Variants in CISD3 observed in about 807,000 individuals in gnomAD.
CISD3 encodes CDGSH iron-sulfur domain-containing protein 3, mitochondrial.
CISD3 carries 11 observed loss-of-function variants against 14.1 expected under a neutral mutation model. That is an observed-to-expected ratio of 0.78 (90% confidence interval 0.49 to 1.29). The LOEUF (loss-of-function observed/expected upper bound fraction) is 1.29. CISD3 is among the 50% of genes most tolerant of loss of function. The pLI is 0.00. For synonymous variants in CISD3, 53 were observed against 69.2 expected (o/e 0.77, Z 1.16); for missense variants, 156 against 171.6 (o/e 0.91, Z 0.51).
In CISD3 at chr17:38,735,311, C is replaced by G; in HGVS notation, c.*1856C>G. 1 of 1,530,918 alleles carries G rather than the reference C, an allele frequency of 6.5e-7. No homozygotes were observed. Among genetic ancestry groups the G allele is most frequent in the Non-Finnish European group, 8.8e-7 (1 of 1,132,298 alleles). 94.8% of individuals were successfully genotyped at this position (1,530,918 alleles called of 1,614,324 possible). ...TGGTGTCTGCAGGCAGTTCAAGCTA[C>G]CCCCGTTGGCAGCTGTGGTGGCCCC... On this transcript the variant is annotated 3_prime_UTR_variant, in exon 4 of 4. Transcript: ENST00000613478.
At chr17:38,731,766 G>C (rs558011985) in intron 3 of CISD3, 2 of 288,136 alleles carry the variant, frequency 6.9e-6, no homozygotes, top group African/African-American at 4.2e-5. Flanking sequence ...TCCAGGAAGC[G>C]CCTGGGCCAC....
intron 2 of CISD3, 148 bp from the exon 3 acceptor site, chr17:38,731,172 A>G: frequency 1.9e-6 from 2 of 1,061,818 alleles, no homozygotes; most frequent in Non-Finnish European, 2.7e-6. Flanking sequence ...GTCCTGGGGA[A>G]CGGTCTTGTT....
Position 38,734,234 on chromosome 17 carries a change from A to T in CISD3, c.*779A>T, listed in dbSNP as rs1042820407. On this transcript the variant is annotated 3_prime_UTR_variant, in exon 4 of 4. Transcript: ENST00000613478. The stretch of plus-strand genomic sequence containing the variant: ...TTTTAGATGCAGTTGCTCTGTCCTG[A>T]CCAGGTGACCGGGCCTCAGCTGGGG... The T allele has an allele frequency of 6.6e-6, 1 of 152,482 alleles. No homozygotes were observed. Among genetic ancestry groups the T allele is most frequent in the African/African-American group, 2.4e-5 (1 of 41,322 alleles). 9.4% of individuals were successfully genotyped at this position (152,482 alleles called of 1,614,324 possible).
At chr17:38,732,932 CTCAGAG>C (rs1159618108) in intron 3 of CISD3, among the ~76,000 whole-genome samples, 1 of 114,010 alleles carries the variant, frequency 8.8e-6, no homozygotes, top group African/African-American at 3.7e-5. Context: ...CCAGTGGAGA[CTCAGAG>C]ACACACACAC....
At chr17:38,733,176 C>A in intron 3 of CISD3, 100 bp from the exon 4 acceptor site, 1 of 1,156,166 alleles carries the variant, frequency 8.6e-7, no homozygotes, top group East Asian at 2.6e-5. Flanking sequence ...GAGCCTGTAC[C>A]CTAACCACTG....
At chr17:38,730,476 G>C (rs991975423) in intron 1 of CISD3, 70 bp downstream of exon 1, 63 of 1,155,486 alleles carry the variant, frequency 5.5e-5, no homozygotes, top group Non-Finnish European at 7.2e-5. Context: ...CCCCACTCCA[G>C]CCCCGGCCCG....
In CISD3 at chr17:38,733,586, A is replaced by G; in HGVS notation, c.*131A>G. The G allele has an allele frequency of 1.0e-6, 1 of 953,026 alleles. No homozygotes were observed. The highest frequency in any genetic ancestry group is 1.5e-6 in the Non-Finnish European group (1 of 666,402). 59.0% of individuals were successfully genotyped at this position (953,026 alleles called of 1,614,324 possible). On this transcript the variant is annotated 3_prime_UTR_variant, in exon 4 of 4. Transcript: ENST00000613478. ...CCCACTGCTGGCTCATGAAGGAAGA[A>G]TTATTCCTTATAACCTAAAAGTCTC...
intron 3 of CISD3, among the ~76,000 whole-genome samples, chr17:38,732,938 G>GAC (rs148830489): frequency 0.11 from 12,320 of 116,508 alleles, 711 homozygotes; most frequent in Middle Eastern, 0.19. Flanking sequence ...GAGACTCAGA[G>GAC]ACACACACAC....
In CISD3 at chr17:38,735,554, C is replaced by T. The variant is rs535420083; in HGVS notation, c.*2099C>T. 7.6e-6 allele frequency: 12 copies of T among 1,584,578 alleles called. No homozygotes were observed. Among genetic ancestry groups the T allele is most frequent in the South Asian group, 2.3e-5 (2 of 87,112 alleles). On this transcript the variant is annotated 3_prime_UTR_variant, in exon 4 of 4. Coordinates refer to ENST00000613478, the MANE Select transcript of CISD3 (RefSeq NM_001136498.2). ...GGTGGGCACCGTGGCTAGGGTGAGC[C>T]GCTTGCAGGCTGGCTGGACACGGTA...
intron 3 of CISD3, among the ~76,000 whole-genome samples, chr17:38,732,941 A>ACACG (rs1906400764): frequency 9.6e-6 from 1 of 104,568 alleles, no homozygotes; most frequent in African/African-American, 3.1e-5. Context: ...ACTCAGAGAC[A>ACACG]CACACACACA....
intron 3 of CISD3, among the ~76,000 whole-genome samples, chr17:38,732,579 G>A (rs79261601): frequency 0.018 from 2,789 of 152,232 alleles, 37 homozygotes; most frequent in Middle Eastern, 0.041. Flanking sequence ...TGAGGCTACA[G>A]TGAGCCGTGT....
At position 38,733,502 on chromosome 17, in the gene CISD3, T is replaced by C. The variant is rs566884268; in HGVS notation, c.*47T>C. 3.6e-5 allele frequency: 53 copies of C among 1,461,918 alleles called. No homozygotes were observed. In the African/African-American group the frequency reaches 7.2e-4, roughly 20 times the overall value. The allele number at this position is 1,461,918 out of a possible 1,614,324, so 90.6% of individuals were successfully genotyped here. A position where few individuals can be genotyped will look rare whatever the true frequency, so the allele number is the denominator to read the frequency against. On this transcript the variant is annotated 3_prime_UTR_variant, in exon 4 of 4. Transcript: ENST00000613478. ...ACAGGTGGCCTTGGCTCCAGGCCTC[T>C]GACAGGCACCCCCTTCTGTGGGAAA...
Position 38,735,308 on chromosome 17 carries a change from CT to C in CISD3, c.*1854del. The C allele has an allele frequency of 1.3e-6, 2 of 1,526,380 alleles. No individual in the cohort carries two copies. Among genetic ancestry groups the C allele is most frequent in the South Asian group, 2.5e-5 (2 of 78,468 alleles). 94.6% of individuals were successfully genotyped at this position (1,526,380 alleles called of 1,614,324 possible). A position where few individuals can be genotyped will look rare whatever the true frequency, so the allele number is the denominator to read the frequency against. On this transcript the variant is annotated 3_prime_UTR_variant, in exon 4 of 4. Transcript: ENST00000613478. ...GGATGGTGTCTGCAGGCAGTTCAAG[CT>C]ACCCCCGTTGGCAGCTGTGGTGGCC... is the stretch of plus-strand genomic sequence containing the variant.
At position 38,735,101 on chromosome 17, in the gene CISD3, A is replaced by T; in HGVS notation, c.*1646A>T. On this transcript the variant is annotated 3_prime_UTR_variant, in exon 4 of 4. Coordinates refer to ENST00000613478, the MANE Select transcript of CISD3 (RefSeq NM_001136498.2). ...CATATATATATATATTTATTTATAA[A>T]ACCCGCCCCCCACCCCCAAGGTGGG... 6 of 636,020 alleles carry T rather than the reference A, an allele frequency of 9.4e-6. No homozygotes were observed. The highest frequency in any genetic ancestry group is 1.4e-5 in the Non-Finnish European group (6 of 423,638). The allele number at this position is 636,020 out of a possible 1,614,324, so 39.4% of individuals were successfully genotyped here.
chr17:38,731,089 G>A, intron 2 of CISD3: 2 of 659,806 alleles, frequency 3.0e-6, no homozygotes, highest in Non-Finnish European at 2.5e-6. Flanking sequence ...TTGAGGGAAG[G>A]CAGCTGGACC....
In CISD3 at chr17:38,730,770, C is replaced by T. The variant is rs1284720245; in HGVS notation, c.59C>T (p.Pro20Leu). ...PAARGARDLN[P>L]RRDISSWLAQ... is the part of the protein sequence containing the mutation. ...TTGCGTACCTTGCAGGACCTGAACC[C>T]GCGGCGGGACATCTCCTCCTGGCTG... Residue 20 changes from proline (P) to leucine (L), a missense_variant, in exon 2 of 4, where the codon CCG (proline) becomes CTG (leucine). By Grantham distance (98) the Pro-to-Leu change is moderately conservative. Transcript: ENST00000613478. The T allele has an allele frequency of 6.4e-7, 1 of 1,551,760 alleles. No individual in the cohort carries two copies. The highest frequency in any genetic ancestry group is 2.4e-5 in the East Asian group (1 of 40,920).
rs557470857 is a variant in CISD3 at position 38,735,076 on chromosome 17, CAT to C, written c.*1634_*1635del. 1,057 of 459,212 alleles carry C rather than the reference CAT, an allele frequency of 2.3e-3. No homozygotes were observed. The highest frequency in any genetic ancestry group is 3.5e-3 in the South Asian group (38 of 10,952). The allele number at this position is 459,212 out of a possible 1,614,324, so 28.4% of individuals were successfully genotyped here. On this transcript the variant is annotated 3_prime_UTR_variant, in exon 4 of 4. Transcript: ENST00000613478. The stretch of plus-strand genomic sequence containing the variant: ...ATGTATATTTGGTTTTTCCTATGTA[CAT>C]ATATATATATATTTATTTATAAAAC...
chr17:38,730,575 G>A (rs11658500), intron 1 of CISD3, 169 bp downstream of exon 1: 94,983 of 826,356 alleles, frequency 0.11, 6,675 homozygotes, highest in Non-Finnish European at 0.14. Context: ...TCCCTGCCAG[G>A]ACCTCCGCAG....
chr17:38,732,938 G>C lies in CISD3; in HGVS notation c.205-338G>C, dbSNP rs1018056486. 4.2e-4 allele frequency among the ~76,000 whole-genome samples: 49 copies of C among 116,666 alleles called. No individual in the cohort carries two copies. The South Asian group carries it at 4.3e-3, about 10-fold the overall frequency. 76.5% of individuals were successfully genotyped at this position (116,666 alleles called of 152,430 possible). On this transcript the variant is annotated intron_variant, in intron 3 of 3. Transcript: ENST00000613478. ...TTTCATGATCCAGTGGAGACTCAGA[G>C]ACACACACACACACACACACACACA... is the stretch of plus-strand genomic sequence containing the variant.
Sources: allele counts gnomAD v4.1 joint callset (sites outside exome capture counted in the v4.1 genomes callset), GRCh38; gene constraint gnomAD v4.1.1; transcripts MANE v1.5; gene names NCBI Gene and HGNC (gene_info 2026-07-23, HGNC 2026-07-21).